TLN2: variants seen among roughly 807,000 people sequenced by gnomAD.
TLN2 encodes talin-2.
A neutral mutation model predicts 294.7 loss-of-function variants in TLN2; 118 were observed. The ratio of observed to expected loss-of-function variants is 0.40; its 90% CI spans 0.34 to 0.47. The LOEUF (loss-of-function observed/expected upper bound fraction) is 0.47, where lower values mean the gene tolerates loss of function less well. TLN2 is among the 20% of genes least tolerant of loss of function. The pLI, the probability that TLN2 is intolerant of heterozygous loss-of-function variation, is 0.84. For synonymous variants in TLN2, 1,431 were observed against 1,304.5 expected, an observed-to-expected ratio of 1.10 and a Z score of -2.09; for missense variants, 3,083 against 3,282.2, an observed-to-expected ratio of 0.94 and a Z score of 1.48.
intron 1 of TLN2, among the ~76,000 whole-genome samples, chr15:62,522,472 A>G (rs1286925396): frequency 6.6e-6 from 1 of 152,200 alleles, no homozygotes; most frequent in African/African-American, 2.4e-5. Context: ...CACAACTGGC[A>G]TATGGATAGG....
chr15:62,482,873 C>G (rs2038184467), intron 1 of TLN2, among the ~76,000 whole-genome samples: 1 of 152,112 alleles, frequency 6.6e-6, no homozygotes, highest in South Asian at 2.1e-4. Flanking sequence ...CTGTACTTCC[C>G]CAGCCCTCCC....
intron 58 of TLN2, among the ~76,000 whole-genome samples, chr15:62,840,117 C>T (rs929166088): frequency 2.1e-4 from 32 of 152,208 alleles, no homozygotes; most frequent in African/African-American, 7.7e-4. Flanking sequence ...CTACATTGCT[C>T]AGCTTCAGAT....
At chr15:62,720,905 A>T (rs1354156463) in intron 25 of TLN2, among the ~76,000 whole-genome samples, 1 of 152,138 alleles carries the variant, frequency 6.6e-6, no homozygotes, top group African/African-American at 2.4e-5. Flanking sequence ...TAGAGAGAGG[A>T]TTGTAAACAG....
intron 1 of TLN2, among the ~76,000 whole-genome samples, chr15:62,550,906 T>C (rs542614637): frequency 6.6e-6 from 1 of 152,314 alleles, no homozygotes; most frequent in East Asian, 1.9e-4. Context: ...CTTTATTGTG[T>C]ACTTTATTTC....
chr15:62,787,648 A>G (rs1595992333), intron 45 of TLN2, among the ~76,000 whole-genome samples: 1 of 151,136 alleles, frequency 6.6e-6, no homozygotes, highest in Admixed American at 6.6e-5. Context: ...TTTACTGAGA[A>G]GCTCACTATT....
At chr15:62,788,979 G>C (rs1363154260) in intron 45 of TLN2, among the ~76,000 whole-genome samples, 11 of 152,208 alleles carry the variant, frequency 7.2e-5, no homozygotes, top group Admixed American at 7.2e-4. Flanking sequence ...GGAGAAGGCA[G>C]AGCTGGATGA....
intron 3 of TLN2, chr15:62,638,752 T>C (rs796705345): frequency 1.8e-5 from 7 of 397,876 alleles, no homozygotes; most frequent in South Asian, 5.7e-5. Context: ...TAAATAAATA[T>C]GTATTGAACC....
chr15:62,530,970 T>C (rs2041010187), intron 1 of TLN2, among the ~76,000 whole-genome samples: 1 of 152,238 alleles, frequency 6.6e-6, no homozygotes, highest in Non-Finnish European at 1.5e-5. Flanking sequence ...TTAATTAAGT[T>C]AGTCTATTGT....
chr15:62,750,676 T>TGGA (rs1445360724), intron 34 of TLN2, among the ~76,000 whole-genome samples, 185 bp downstream of exon 34: 1 of 152,194 alleles, frequency 6.6e-6, no homozygotes, highest in African/African-American at 2.4e-5. Flanking sequence ...CAGAATCACC[T>TGGA]GGAGGGCTTG....
intron 1 of TLN2, among the ~76,000 whole-genome samples, chr15:62,514,319 G>T (rs1028718099): frequency 6.6e-6 from 1 of 152,126 alleles, no homozygotes. Flanking sequence ...CTTCATTGTG[G>T]CAGTGAAGTA....
At chr15:62,561,580 G>A (rs918076701) in intron 1 of TLN2, 8 of 152,258 alleles carry the variant, frequency 5.3e-5, no homozygotes, top group African/African-American at 1.9e-4. Context: ...GCAGGAGCCT[G>A]ACCTTCCAGT....
rs2058457439 is a variant in TLN2, at chr15:62,697,888, T to C, written c.1473+20T>C. 1 of 1,607,586 alleles carries C rather than the reference T, an allele frequency of 6.2e-7. No individual in the cohort carries two copies. Among genetic ancestry groups the C allele is most frequent in the East Asian group, 2.2e-5 (1 of 44,696 alleles). ...CCACTGGTGAGGCTTCCTGTGCTCGTCCCCCACTCGTTAGTCTGCTGCCTC... is the reference window on the plus strand; with the variant it reads ...CCACTGGTGAGGCTTCCTGTGCTCGCCCCCCACTCGTTAGTCTGCTGCCTC... On this transcript the variant is annotated intron_variant, in intron 15 of 58. Coordinates refer to ENST00000636159, the MANE Select transcript of TLN2 (RefSeq NM_015059.3).
At chr15:62,524,067 C>G (rs1029378660) in intron 1 of TLN2, among the ~76,000 whole-genome samples, 5 of 152,232 alleles carry the variant, frequency 3.3e-5, no homozygotes, top group Admixed American at 1.3e-4. Context: ...GAACCACTAT[C>G]TGCTTCCCAG....
intron 1 of TLN2, among the ~76,000 whole-genome samples, chr15:62,522,040 C>G (rs78097874): frequency 1.3e-5 from 2 of 152,180 alleles, no homozygotes; most frequent in East Asian, 1.9e-4. Context: ...TGTCCAACTT[C>G]CCTTCCCATC....
chr15:62,756,203 G>C (rs1456083009), intron 37 of TLN2, among the ~76,000 whole-genome samples: 1 of 152,168 alleles, frequency 6.6e-6, no homozygotes, highest in East Asian at 1.9e-4. Flanking sequence ...TCTGTTTATA[G>C]CTGTTTGAAT....
At chr15:62,413,425 C>T (rs925815292) in intron 1 of TLN2, among the ~76,000 whole-genome samples, 1 of 152,122 alleles carries the variant, frequency 6.6e-6, no homozygotes, top group African/African-American at 2.4e-5. Flanking sequence ...ATTGCTAGTC[C>T]ATCTGAAGTG....
chr15:62,817,170 G>T (rs1363453597), intron 52 of TLN2, among the ~76,000 whole-genome samples: 1 of 152,158 alleles, frequency 6.6e-6, no homozygotes, highest in Non-Finnish European at 1.5e-5. Flanking sequence ...TAAATTGCCT[G>T]CCCACTGGCT....
chr15:62,701,038 C>T (rs77026267), intron 16 of TLN2, 68 bp from the exon 17 acceptor site: 13,912 of 1,299,734 alleles, frequency 0.011, 112 homozygotes, highest in Non-Finnish European at 0.012. Context: ...GATTTTATGG[C>T]GGGGCTTCTC....
At chr15:62,449,382 T>A (rs2035981243) in intron 1 of TLN2, among the ~76,000 whole-genome samples, 1 of 152,154 alleles carries the variant, frequency 6.6e-6, no homozygotes, top group Non-Finnish European at 1.5e-5. Context: ...TCTGCTAAGA[T>A]CCTTGGGGCT....
Sources: allele counts gnomAD v4.1 joint callset (sites outside exome capture counted in the v4.1 genomes callset), GRCh38; gene constraint gnomAD v4.1.1; transcripts MANE v1.5; gene names NCBI Gene and HGNC (gene_info 2026-07-23, HGNC 2026-07-21).